Variants in WWOX observed in about 807,000 individuals in gnomAD.
WWOX encodes the protein WW domain containing oxidoreductase, also known as WW domain-containing oxidoreductase.
Under a neutral mutation model 46.2 loss-of-function variants are expected in WWOX, and 69 were observed. The ratio of observed to expected loss-of-function variants is 1.49; its 90% CI spans 1.23 to 1.82. WWOX has a LOEUF of 1.82. Ranked by LOEUF, WWOX falls within the 40% of genes most tolerant of loss-of-function variation. The pLI is 0.00. For missense variants in WWOX, 919 were observed against 542.6 expected, an observed-to-expected ratio of 1.69 and a Z score of -6.89; for synonymous variants, 359 against 202.6, an observed-to-expected ratio of 1.77 and a Z score of -6.56.
intron 8 of WWOX, among the ~76,000 whole-genome samples, chr16:78,569,495 T>C (rs564969310): frequency 6.6e-6 from 1 of 152,332 alleles, no homozygotes; most frequent in African/African-American, 2.4e-5. Flanking sequence ...AATGATTCTT[T>C]TCGTAACTGC....
At chr16:78,322,709 C>T (rs894422397) in intron 5 of WWOX, among the ~76,000 whole-genome samples, 19 of 152,194 alleles carry the variant, frequency 1.2e-4, no homozygotes, top group Admixed American at 2.6e-4. Flanking sequence ...GGAGCAGGGG[C>T]AGGCAAACAT....
At chr16:78,104,031 C>T (rs1434768172) in intron 1 of WWOX, among the ~76,000 whole-genome samples, 3 of 152,078 alleles carry the variant, frequency 2.0e-5, no homozygotes, top group Non-Finnish European at 4.4e-5. Flanking sequence ...CCCTCACAGT[C>T]TCAGAGCAGC....
chr16:78,573,476 A>T lies in WWOX; in HGVS notation c.1056+140724A>T, dbSNP rs576907853. ...ATTTGAATTTTCCATACTCCATTCC[A>T]TTCTATATGTCAGATGCATCTTCCT... On this transcript the variant is annotated intron_variant, in intron 8 of 8. Transcript: ENST00000566780. 2.0e-5 allele frequency among the ~76,000 whole-genome samples: 3 copies of T among 152,288 alleles called. No individual in the cohort carries two copies. In the East Asian group the frequency reaches 5.8e-4, roughly 29 times the overall value.
At chr16:78,893,504 T>C (rs2044635749) in intron 8 of WWOX, among the ~76,000 whole-genome samples, 1 of 152,188 alleles carries the variant, frequency 6.6e-6, no homozygotes, top group Non-Finnish European at 1.5e-5. Context: ...TAGAGAAGGG[T>C]GAGGTCACTG....
intron 8 of WWOX, among the ~76,000 whole-genome samples, chr16:78,468,563 C>T (rs2084140862): frequency 6.6e-6 from 1 of 152,098 alleles, no homozygotes; most frequent in Non-Finnish European, 1.5e-5. Flanking sequence ...TCCCTTGTAG[C>T]TTGATAGTTA....
chr16:78,156,940 A>C lies in WWOX; in HGVS notation c.410-7243A>C, dbSNP rs577609787. Among the ~76,000 whole-genome samples the C allele has an allele frequency of 2.9e-3, 449 of 152,272 alleles. 2 individuals carry two copies. The highest frequency in any genetic ancestry group is 0.01 in the African/African-American group (430 of 41,542). ...AGTGAGACTCTGTCTCAGTCAGTCA[A>C]TCAGTCAATCAATCAAGTTCTGGAA... On this transcript the variant is annotated intron_variant, in intron 4 of 8. Transcript: ENST00000566780.
chr16:78,754,616 T>C (rs1231359313), intron 8 of WWOX, among the ~76,000 whole-genome samples: 1 of 152,198 alleles, frequency 6.6e-6, no homozygotes, highest in African/African-American at 2.4e-5. Context: ...GATGTTTTAA[T>C]TATATAAAAA....
chr16:79,212,424 A>ATACAAAAAATTCTTTACT lies in WWOX; in HGVS notation c.*629_*630insACAAAAAATTCTTTACTT. 1 of 355,124 alleles carries ATACAAAAAATTCTTTACT rather than the reference A, an allele frequency of 2.8e-6. No homozygotes were observed. The highest frequency in any genetic ancestry group is 7.1e-5 in the South Asian group (1 of 14,152). 22.0% of individuals were successfully genotyped at this position (355,124 alleles called of 1,614,324 possible). On this transcript the variant is annotated 3_prime_UTR_variant, in exon 9 of 9. Transcript: ENST00000566780. Reference sequence around the variant, plus strand: ...TGTCATAGACTCCTTTGCTAATGCTATGCAAAAAATTCTTTAGAGATTATA... The same window carrying ATACAAAAAATTCTTTACT: ...TGTCATAGACTCCTTTGCTAATGCTATACAAAAAATTCTTTACTTGCAAAAAATTCTTTAGAGATTATA...
At chr16:79,071,711 C>A (rs1333820616) in intron 8 of WWOX, among the ~76,000 whole-genome samples, 1 of 152,214 alleles carries the variant, frequency 6.6e-6, no homozygotes, top group African/African-American at 2.4e-5. Flanking sequence ...GTAAACGTAG[C>A]TTTTTAAGTT....
chr16:78,481,761 G>T (rs1447670648), intron 8 of WWOX, among the ~76,000 whole-genome samples: 1 of 150,300 alleles, frequency 6.7e-6, no homozygotes, highest in African/African-American at 2.5e-5. Flanking sequence ...GTGTGTGTGT[G>T]TGTGCGCGCG....
chr16:78,926,131 G>C (rs540349992), intron 8 of WWOX, among the ~76,000 whole-genome samples: 1 of 152,242 alleles, frequency 6.6e-6, no homozygotes, highest in Admixed American at 6.5e-5. Context: ...TTTGGGAGTG[G>C]ATGGACCCAA....
At chr16:78,744,047 G>A (rs2049291007) in intron 8 of WWOX, among the ~76,000 whole-genome samples, 1 of 152,120 alleles carries the variant, frequency 6.6e-6, no homozygotes, top group Non-Finnish European at 1.5e-5. Flanking sequence ...CCAAGAACCT[G>A]GACGCCCTCC....
Position 79,212,310 on chromosome 16 carries a change from C to T in WWOX, c.*514C>T. ...GCCAGCTTAGCAACTGCTGGGGAGA[C>T]AAATCTCAGAACCTTGTCCCAGCCA... On this transcript the variant is annotated 3_prime_UTR_variant, in exon 9 of 9. Transcript: ENST00000566780. The T allele has an allele frequency of 3.4e-6, 3 of 879,120 alleles. No homozygotes were observed. The highest frequency in any genetic ancestry group is 5.0e-6 in the Non-Finnish European group (3 of 599,298). The allele number at this position is 879,120 out of a possible 1,614,324, so 54.5% of individuals were successfully genotyped here. A position where few individuals can be genotyped will look rare whatever the true frequency, so the allele number is the denominator to read the frequency against.
intron 8 of WWOX, among the ~76,000 whole-genome samples, chr16:79,031,923 T>TATCTATCTAG: frequency 1.5e-5 from 1 of 68,154 alleles, no homozygotes; most frequent in Admixed American, 1.7e-4. Context: ...TATCTATATA[T>TATCTATCTAG]ATAGATATCT....
intron 4 of WWOX, among the ~76,000 whole-genome samples, chr16:78,144,146 T>C (rs542619567): frequency 2.3e-4 from 35 of 152,116 alleles, no homozygotes; most frequent in African/African-American, 8.4e-4. Context: ...ATTGCGTTAT[T>C]TTAAAACCCT....
chr16:78,834,567 A>C (rs532002222), intron 8 of WWOX, among the ~76,000 whole-genome samples: 1 of 152,200 alleles, frequency 6.6e-6, no homozygotes, highest in African/African-American at 2.4e-5. Context: ...AGGGTCTGCA[A>C]TGTAGAATCC....
At chr16:78,626,135 T>TA (rs2046305869) in intron 8 of WWOX, among the ~76,000 whole-genome samples, 1 of 151,950 alleles carries the variant, frequency 6.6e-6, no homozygotes, top group African/African-American at 2.4e-5. Flanking sequence ...TTTATTTATT[T>TA]TTTTTTTCTT....
At position 78,944,613 on chromosome 16, in the gene WWOX, C is replaced by T. The variant is rs1375633754; in HGVS notation, c.1057-266995C>T. Among the ~76,000 whole-genome samples the T allele has an allele frequency of 2.6e-5, 4 of 152,136 alleles. No individual in the cohort carries two copies. The East Asian group carries it at 7.7e-4, about 29-fold the overall frequency. On this transcript the variant is annotated intron_variant, in intron 8 of 8. Transcript: ENST00000566780. ...GAGTGACTCTTTCCCAAAGATCATA[C>T]TGGGATCTTTGGAATGAATGGCGGG...
intron 8 of WWOX, among the ~76,000 whole-genome samples, chr16:78,864,643 A>C (rs1229976796): frequency 6.6e-6 from 1 of 151,302 alleles, no homozygotes; most frequent in Non-Finnish European, 1.5e-5. Context: ...TTGAGGTCCC[A>C]TTGGGCCCAG....
Sources: allele counts gnomAD v4.1 joint callset (sites outside exome capture counted in the v4.1 genomes callset), GRCh38; gene constraint gnomAD v4.1.1; transcripts MANE v1.5; gene names NCBI Gene and HGNC (gene_info 2026-07-23, HGNC 2026-07-21).